MACF1: variants seen among roughly 807,000 people sequenced by gnomAD.
MACF1 encodes the protein microtubule-actin cross-linking factor 1.
Under a neutral mutation model 854.8 loss-of-function variants are expected in MACF1, and 193 were observed. That is an observed-to-expected ratio of 0.23 (90% CI 0.20 to 0.25). MACF1 has a LOEUF of 0.25. MACF1 is among the 10% of genes least tolerant of loss of function. The pLI, the probability that MACF1 is intolerant of heterozygous loss-of-function variation, is 1.00. For synonymous variants in MACF1, 3,185 were observed against 3,226.7 expected (o/e 0.99, Z 0.44); for missense variants, 7,722 against 8,929.1 (o/e 0.86, Z 5.45).
chr1:39,437,882 A>T lies in MACF1; in HGVS notation c.18094A>T (p.Ile6032Phe), dbSNP rs1321192771. Residue 6032 changes from isoleucine to phenylalanine, a missense_variant, in exon 71 of 101, where the codon ATC (isoleucine) becomes TTC (phenylalanine). Ile to Phe is a conservative substitution (Grantham distance 21). This residue lies in a region of MACF1 where 2,807 missense variants were observed against 3,235.8 expected (regional missense o/e 0.87). Transcript: ENST00000564288. ...PAEVDKIREC[I>F]SDNKSATVEL... ...TGAAGTAGACAAGATCAGAGAGTGC[A>T]TCAGTGACAATAAGAGTGCCACCGT... The T allele has an allele frequency of 6.2e-7, 1 of 1,614,166 alleles. No homozygotes were observed.
At chr1:39,440,958 G>C (rs752323896) in intron 72 of MACF1, 45 bp from the exon 73 acceptor site, 1 of 1,611,300 alleles carries the variant, frequency 6.2e-7, no homozygotes, top group African/African-American at 1.3e-5. Flanking sequence ...GGTAAGTTCT[G>C]TTCTGTTTTC....
At chr1:39,267,074 A>G (rs1645242335) in intron 6 of MACF1, among the ~76,000 whole-genome samples, 1 of 152,200 alleles carries the variant, frequency 6.6e-6, no homozygotes, top group South Asian at 2.1e-4. Context: ...ATTTTACACA[A>G]CTGGCAACTG....
At chr1:39,339,758 C>G (rs562414324) in intron 38 of MACF1, among the ~76,000 whole-genome samples, 1 of 152,178 alleles carries the variant, frequency 6.6e-6, no homozygotes, top group Non-Finnish European at 1.5e-5. Context: ...CCCCTAAAAA[C>G]GTAGAAAGAC....
At chr1:39,406,630 G>A (rs907769357) in intron 58 of MACF1, among the ~76,000 whole-genome samples, 1 of 150,880 alleles carries the variant, frequency 6.6e-6, no homozygotes, top group Non-Finnish European at 1.5e-5. Context: ...AGCTATTGGG[G>A]AGGCTGAGGC....
rs1327667342 is a variant in MACF1, at chr1:39,335,987, C to G, written c.9399C>G (p.Asp3133Glu). The change falls in exon 37 of 101, where the codon GAC (aspartate) becomes GAG (glutamate). Residue 3133 changes from aspartate (D) to glutamate (E), a missense_variant. Physicochemically the swap from Asp to Glu is conservative, Grantham distance 45. Around this residue, in one of 15 missense-constraint regions of MACF1, gnomAD observed 854 missense variants for 852.6 expected, o/e 1.00. Coordinates refer to ENST00000564288, the MANE Select transcript of MACF1 (RefSeq NM_001394062.1). ...VTGPSQISKT[D>E]KSFQGTTRQE... Reference sequence around the variant, plus strand: ...GCCCATCCCAAATTTCCAAAACAGACAAGTCTTTCCAAGGAACCACCAGAC... The same window carrying G: ...GCCCATCCCAAATTTCCAAAACAGAGAAGTCTTTCCAAGGAACCACCAGAC... 1.2e-6 allele frequency: 2 copies of G among 1,614,110 alleles called. No individual in the cohort carries two copies. The highest frequency in any genetic ancestry group is 4.5e-5 in the East Asian group (2 of 44,884).
chr1:39,149,665 T>C (rs1381369337), intron 2 of MACF1, among the ~76,000 whole-genome samples: 1 of 152,214 alleles, frequency 6.6e-6, no homozygotes, highest in Non-Finnish European at 1.5e-5. Flanking sequence ...CATGCTCCGG[T>C]GGAAATGTTC....
At chr1:39,365,535 A>G (rs771150799) in intron 49 of MACF1, among the ~76,000 whole-genome samples, 4 of 152,180 alleles carry the variant, frequency 2.6e-5, no homozygotes, top group Non-Finnish European at 4.4e-5. Context: ...CTGGAATTCA[A>G]AACACTTCTG....
intron 2 of MACF1, among the ~76,000 whole-genome samples, chr1:39,114,510 G>A (rs888111176): frequency 6.6e-6 from 1 of 152,092 alleles, no homozygotes; most frequent in African/African-American, 2.4e-5. Context: ...GGAGGATCAC[G>A]AGTCCAGGAG....
In MACF1 at chr1:39,430,869, G is replaced by A. The variant is rs774818890; in HGVS notation, c.17298G>A (p.Arg5766=). Residue 5766 remains arginine (R), a synonymous_variant, in exon 66 of 101, where the codon AGG becomes AGA. Coordinates refer to ENST00000564288, the MANE Select transcript of MACF1 (RefSeq NM_001394062.1). The part of the protein sequence containing the change: ...YKLVSDTIGQ[R]VDEIDAAIQR... ...TAGTCAGTGACACTATTGGACAAAG[G>A]GTGGATGAAATTGATGCTGCTATTC... 6.8e-5 allele frequency: 110 copies of A among 1,612,388 alleles called. No individual in the cohort carries two copies. Among genetic ancestry groups the A allele is most frequent in the African/African-American group, 2.7e-5 (2 of 74,812 alleles).
chr1:39,450,396 T>G (rs139458876), intron 84 of MACF1, among the ~76,000 whole-genome samples: 1 of 152,046 alleles, frequency 6.6e-6, no homozygotes, highest in Non-Finnish European at 1.5e-5. Flanking sequence ...TTGAACTGAT[T>G]CCAGATCACT....
At chr1:39,259,659 G>C (rs1365463113) in intron 6 of MACF1, among the ~76,000 whole-genome samples, 4 of 150,878 alleles carry the variant, frequency 2.7e-5, no homozygotes, top group African/African-American at 9.8e-5. Context: ...TTTCGCTCTT[G>C]TTGCCCGGGC....
At chr1:39,381,135 G>A (rs910274717) in intron 55 of MACF1, among the ~76,000 whole-genome samples, 2 of 151,688 alleles carry the variant, frequency 1.3e-5, no homozygotes, top group African/African-American at 4.8e-5. Context: ...TCGGCTCACC[G>A]CAACCTCCGC....
intron 2 of MACF1, among the ~76,000 whole-genome samples, chr1:39,193,418 T>C (rs143549369): frequency 5.3e-5 from 8 of 152,332 alleles, no homozygotes; most frequent in Admixed American, 1.3e-4. Context: ...GACTTAGTCA[T>C]TGAGCTGTTC....
At chr1:39,295,582 G>T (rs1456586561) in intron 19 of MACF1, among the ~76,000 whole-genome samples, 1 of 152,158 alleles carries the variant, frequency 6.6e-6, no homozygotes, top group Non-Finnish European at 1.5e-5. Context: ...CCTTTTCTAT[G>T]TAACCCCCTC....
chr1:39,417,240 T>C (rs1643349727), intron 58 of MACF1, among the ~76,000 whole-genome samples: 1 of 152,220 alleles, frequency 6.6e-6, no homozygotes. Context: ...TCGTTTGCTT[T>C]TTCTGTAATG....
Position 39,269,500 on chromosome 1 carries a change from C to T in MACF1, c.528+11472C>T, listed in dbSNP as rs544029800. 134 of 1,289,756 alleles carry T rather than the reference C, an allele frequency of 1.0e-4. No homozygotes were observed. In the African/African-American group the frequency reaches 1.7e-3, roughly 16 times the overall value. 79.9% of individuals were successfully genotyped at this position (1,289,756 alleles called of 1,614,324 possible). A position where few individuals can be genotyped will look rare whatever the true frequency, so the allele number is the denominator to read the frequency against. On this transcript the variant is annotated intron_variant, in intron 6 of 100. Transcript: ENST00000564288. ...CCTTCCCATGTGGGTCAAGTGCCCC[C>T]CCAGGATTCCAGACTGCCTACTTCT...
intron 100 of MACF1, 173 bp from the exon 101 acceptor site, chr1:39,485,365 T>C (rs1291802674): frequency 4.3e-6 from 3 of 701,426 alleles, no homozygotes; most frequent in African/African-American, 3.6e-5. Context: ...TCAAGTAGAA[T>C]CACAAAGCCA....
chr1:39,324,665 C>T lies in MACF1; in HGVS notation c.4409C>T (p.Thr1470Ile), dbSNP rs186908155. Residue 1470 changes from threonine to isoleucine, a missense_variant, in exon 35 of 101, where the codon ACA becomes ATA. Physicochemically the swap from Thr to Ile is moderately conservative, Grantham distance 89. Transcript: ENST00000564288. The stretch of plus-strand genomic sequence containing the variant: ...ATGTAGGTTCTGTCAGAAGAGCTGA[C>T]AACAAAGAAAGAACAAGTCTCTGAA... ...LEQQVLSEEL[T>I]TKKEQVSEAI... 1.8e-4 allele frequency: 287 copies of T among 1,613,100 alleles called. No individual in the cohort carries two copies. The highest frequency in any genetic ancestry group is 2.0e-4 in the Non-Finnish European group (236 of 1,179,430).
intron 38 of MACF1, 90 bp downstream of exon 38, chr1:39,337,421 C>T: frequency 7.5e-7 from 1 of 1,330,918 alleles, no homozygotes; most frequent in Non-Finnish European, 1.0e-6. Flanking sequence ...CTAGAACCTG[C>T]TTGCACTCTA....
Sources: allele counts gnomAD v4.1 joint callset (sites outside exome capture counted in the v4.1 genomes callset), GRCh38; gene constraint gnomAD v4.1.1; regional missense constraint gnomAD v4.1.1; transcripts MANE v1.5; gene names NCBI Gene and HGNC (gene_info 2026-07-23, HGNC 2026-07-21).